The following SLC35D4 variants were observed in gnomAD, a reference collection of about 807,000 sequenced individuals.
SLC35D4 encodes the protein UDP-N-acetylglucosamine transporter SLC35D4.
chr18:23,396,361 ATTGATGCCTG>A, the SLC35D4 span, among the ~76,000 whole-genome samples: 25 of 152,316 alleles, frequency 1.6e-4, no homozygotes, highest in African/African-American at 5.8e-4. Flanking sequence ...GCACCAGCAT[ATTGATGCCTG>A]TTTTCTATCC....
At chr18:23,297,384 G>A in the SLC35D4 span, 4 of 151,984 alleles carry the variant, frequency 2.6e-5, no homozygotes, top group African/African-American at 9.7e-5. Context: ...AAAATGAGAC[G>A]GGTCTGGTGG....
At chr18:23,374,014 A>G in the SLC35D4 span, among the ~76,000 whole-genome samples, 3 of 152,188 alleles carry the variant, frequency 2.0e-5, no homozygotes, top group Non-Finnish European at 2.9e-5. Context: ...CATTTACAGG[A>G]CATCTGCAAA....
the SLC35D4 span, among the ~76,000 whole-genome samples, chr18:23,422,503 T>G: frequency 1.3e-5 from 2 of 152,034 alleles, no homozygotes; most frequent in African/African-American, 4.8e-5. Flanking sequence ...CCACCAACCC[T>G]CCTGCCTCTG....
the SLC35D4 span, among the ~76,000 whole-genome samples, chr18:23,275,606 G>A: frequency 3.6e-5 from 3 of 83,592 alleles, no homozygotes; most frequent in East Asian, 4.6e-4. Context: ...GCTGTGCTGT[G>A]CTGTGCTGTG....
At chr18:23,301,425 GT>G in the SLC35D4 span, among the ~76,000 whole-genome samples, 1 of 152,126 alleles carries the variant, frequency 6.6e-6, no homozygotes, top group African/African-American at 2.4e-5. Context: ...CTATACATAG[GT>G]TTGGGCAGCC....
At chr18:23,262,032 T>G in the SLC35D4 span, among the ~76,000 whole-genome samples, 1 of 152,184 alleles carries the variant, frequency 6.6e-6, no homozygotes, top group African/African-American at 2.4e-5. Context: ...TCCTCCTTGG[T>G]GATTTGTATG....
At chr18:23,419,356 A>G in the SLC35D4 span, among the ~76,000 whole-genome samples, 1 of 151,556 alleles carries the variant, frequency 6.6e-6, no homozygotes, top group Non-Finnish European at 1.5e-5. Context: ...GCAGTGGCGC[A>G]ATCTTGGCTC....
chr18:23,322,592 T>C, the SLC35D4 span, among the ~76,000 whole-genome samples: 1 of 152,272 alleles, frequency 6.6e-6, no homozygotes, highest in Non-Finnish European at 1.5e-5. Flanking sequence ...TCTGCTGAAA[T>C]GGAGTTTCAC....
chr18:23,407,822 T>G, the SLC35D4 span, among the ~76,000 whole-genome samples: 1 of 152,208 alleles, frequency 6.6e-6, no homozygotes, highest in African/African-American at 2.4e-5. Flanking sequence ...ACTACTTGGC[T>G]GCATTTATCA....
the SLC35D4 span, among the ~76,000 whole-genome samples, chr18:23,364,926 A>G: frequency 9.7e-3 from 17 of 1,750 alleles, 2 homozygotes; most frequent in East Asian, 0.083. Flanking sequence ...AAAAAAAAAA[A>G]AAAAAAAGGA....
chr18:23,281,315 GTTAT>G, the SLC35D4 span, among the ~76,000 whole-genome samples: 10 of 152,110 alleles, frequency 6.6e-5, no homozygotes, highest in Non-Finnish European at 7.4e-5. Flanking sequence ...CTATGAAGCT[GTTAT>G]TTATTTATTT....
At chr18:23,290,963 T>C in the SLC35D4 span, among the ~76,000 whole-genome samples, 2 of 152,198 alleles carry the variant, frequency 1.3e-5, no homozygotes, top group Non-Finnish European at 2.9e-5. Flanking sequence ...CCCGTGTTTG[T>C]TCCTGTCTCT....
the SLC35D4 span, among the ~76,000 whole-genome samples, chr18:23,414,925 C>T: frequency 6.6e-6 from 1 of 152,054 alleles, no homozygotes; most frequent in African/African-American, 2.4e-5. Flanking sequence ...CCTACCTGGG[C>T]AACATAGTGA....
chr18:23,338,737 C>G, the SLC35D4 span, among the ~76,000 whole-genome samples: 3 of 152,148 alleles, frequency 2.0e-5, no homozygotes, highest in Admixed American at 6.5e-5. Context: ...TATGTCCCCC[C>G]GGGTCCTTGA....
At chr18:23,263,243 G>A in the SLC35D4 span, among the ~76,000 whole-genome samples, 3 of 152,230 alleles carry the variant, frequency 2.0e-5, no homozygotes, top group Admixed American at 1.3e-4. Context: ...GGGCCAAAGC[G>A]AGGCTGAGCC....
the SLC35D4 span, among the ~76,000 whole-genome samples, chr18:23,249,755 C>T: frequency 1.2e-4 from 18 of 152,254 alleles, no homozygotes; most frequent in East Asian, 3.9e-4. Context: ...CCTGACCCCC[C>T]GCCCCCGACA....
At chr18:23,319,979 T>C in the SLC35D4 span, among the ~76,000 whole-genome samples, 1 of 152,228 alleles carries the variant, frequency 6.6e-6, no homozygotes, top group African/African-American at 2.4e-5. Context: ...TATACCTAAG[T>C]ATGGTTTTAT....
At chr18:23,278,872 G>A in the SLC35D4 span, among the ~76,000 whole-genome samples, 1 of 151,922 alleles carries the variant, frequency 6.6e-6, no homozygotes, top group Non-Finnish European at 1.5e-5. Context: ...ATATTAGCCG[G>A]GTGTGGTGGG....
At chr18:23,394,744 G>A in the SLC35D4 span, among the ~76,000 whole-genome samples, 2 of 152,206 alleles carry the variant, frequency 1.3e-5, no homozygotes, top group African/African-American at 4.8e-5. Context: ...GGCTGAGGCG[G>A]GTGGATCATC....
Sources: gnomAD v4.1 joint callset for allele counts (sites outside exome capture counted in the v4.1 genomes callset) on GRCh38, gnomAD v4.1.1 for gene constraint, MANE v1.5 for transcripts, NCBI Gene and HGNC (gene_info 2026-07-23, HGNC 2026-07-21) for gene names.